UBE2W: variants seen among roughly 807,000 people sequenced by gnomAD.
UBE2W encodes the protein ubiquitin-conjugating enzyme E2 W.
Under a neutral mutation model 27.2 loss-of-function variants are expected in UBE2W, and 18 were observed. The observed-to-expected ratio is 0.66, with a 90% confidence interval of 0.46 to 0.98. UBE2W has a LOEUF of 0.98. UBE2W is among the 50% of genes least tolerant of loss of function. The pLI, the probability that UBE2W is intolerant of heterozygous loss-of-function variation, is 0.00. For missense variants in UBE2W, 90 were observed against 180.2 expected (o/e 0.50, Z 2.87); for synonymous variants, 53 against 57.2 (o/e 0.93, Z 0.33).
chr8:73,867,684 C>T (rs1181432257), intron 1 of UBE2W, among the ~76,000 whole-genome samples: 4 of 148,202 alleles, frequency 2.7e-5, no homozygotes, highest in South Asian at 2.1e-4. Context: ...GCCACTCCAG[C>T]GTGAGTGACG....
intron 1 of UBE2W, among the ~76,000 whole-genome samples, chr8:73,865,093 T>C (rs1280800441): frequency 2.2e-5 from 3 of 138,138 alleles, no homozygotes; most frequent in East Asian, 4.3e-4. Flanking sequence ...TGGCACAAAA[T>C]AGACCTCAAA....
intron 1 of UBE2W, among the ~76,000 whole-genome samples, chr8:73,833,055 C>T (rs1586494048): frequency 6.6e-6 from 1 of 151,934 alleles, no homozygotes; most frequent in East Asian, 1.9e-4. Context: ...CGTGGTGGCG[C>T]GTGCCTGTAG....
chr8:73,870,327 G>A (rs1289985856), intron 1 of UBE2W: 1 of 1,565,670 alleles, frequency 6.4e-7, no homozygotes, highest in East Asian at 2.3e-5. Context: ...AAGACCTCAT[G>A]TAACACATGG....
rs746264996 is a variant in UBE2W at position 73,787,136 on chromosome 8, A to C, written c.*6966T>G. 2 of 985,480 alleles carry C rather than the reference A, an allele frequency of 2.0e-6. No individual in the cohort carries two copies. The highest frequency in any genetic ancestry group is 2.4e-6 in the Non-Finnish European group (2 of 829,940). The allele number at this position is 985,480 out of a possible 1,614,324, so 61.0% of individuals were successfully genotyped here. A position where few individuals can be genotyped will look rare whatever the true frequency, so the allele number is the denominator to read the frequency against. On this transcript the variant is annotated 3_prime_UTR_variant, in exon 6 of 6. Coordinates refer to ENST00000602593, the MANE Select transcript of UBE2W (RefSeq NM_018299.6). ...CTTATGTATTTTGCATTATGCAGGC[A>C]AACATTAAAAATAAATCTTACAGGC...
intron 1 of UBE2W, among the ~76,000 whole-genome samples, chr8:73,839,166 A>G (rs1169768409): frequency 2.0e-5 from 3 of 152,138 alleles, no homozygotes; most frequent in South Asian, 2.1e-4. Context: ...CCATATTTAC[A>G]TATTAGTTTA....
chr8:73,799,471 A>C (rs1808551706), intron 5 of UBE2W, among the ~76,000 whole-genome samples: 1 of 152,212 alleles, frequency 6.6e-6, no homozygotes, highest in Non-Finnish European at 1.5e-5. Flanking sequence ...GCTCAGCTTT[A>C]GCATGTCAGC....
chr8:73,863,502 G>A (rs370980400), intron 1 of UBE2W, among the ~76,000 whole-genome samples: 13 of 148,872 alleles, frequency 8.7e-5, no homozygotes, highest in South Asian at 2.1e-4. Context: ...TGGGTGCAGC[G>A]CACCAGCATG....
chr8:73,823,084 T>C (rs748809714), intron 3 of UBE2W, among the ~76,000 whole-genome samples: 1 of 152,162 alleles, frequency 6.6e-6, no homozygotes, highest in Non-Finnish European at 1.5e-5. Flanking sequence ...ATCTGGGAGT[T>C]AGCTGCTTAA....
In UBE2W at chr8:73,810,626, T is replaced by A. The variant is rs1290464353; in HGVS notation, c.214A>T (p.Met72Leu). 1 of 1,598,740 alleles carries A rather than the reference T, an allele frequency of 6.3e-7. No homozygotes were observed. The highest frequency in any genetic ancestry group is 1.4e-5 in the African/African-American group (1 of 74,040). ...SRYPFDSPQVMFTGENIPVHP... is the reference protein window; with the variant it reads ...SRYPFDSPQVLFTGENIPVHP... The stretch of plus-strand genomic sequence containing the variant: ...ACAGGAATATTTTCACCAGTAAACA[T>A]GACCTAAGAGAGAATAAAATTCCAT... The change falls in exon 4 of 6, where the codon ATG becomes TTG. Residue 72 changes from methionine (M) to leucine (L), a missense_variant. By Grantham distance (15) the Met-to-Leu change is conservative. Coordinates refer to ENST00000602593, the MANE Select transcript of UBE2W (RefSeq NM_018299.6).
In UBE2W at chr8:73,852,441, C is replaced by T. The variant is rs75290332; in HGVS notation, c.16-21969G>A. Among the ~76,000 whole-genome samples the T allele has an allele frequency of 3.2e-3, 486 of 152,296 alleles. 15 individuals carry two copies. The East Asian group carries it at 0.069, about 22-fold the overall frequency. On this transcript the variant is annotated intron_variant, in intron 1 of 5. Transcript: ENST00000602593. The stretch of plus-strand genomic sequence containing the variant: ...AATATTTGTTTTCTGAAAACCTTGA[C>T]TCAGAATGAAATAAAATACAGTTCT...
intron 1 of UBE2W, among the ~76,000 whole-genome samples, chr8:73,843,849 T>G (rs188093181): frequency 6.9e-4 from 104 of 151,232 alleles, no homozygotes; most frequent in African/African-American, 2.4e-3. Context: ...AATAATAATG[T>G]GTGGTGGTGC....
intron 4 of UBE2W, among the ~76,000 whole-genome samples, chr8:73,781,099 G>A (rs1323427935): frequency 1.1e-4 from 16 of 151,462 alleles, no homozygotes; most frequent in African/African-American, 3.9e-4. Flanking sequence ...GTGAAACCCT[G>A]TCTCTACTAA....
At chr8:73,782,725 T>C (rs1250939025), downstream of UBE2W, among the ~76,000 whole-genome samples, 1 of 152,226 alleles carries the variant, frequency 6.6e-6, no homozygotes, top group Non-Finnish European at 1.5e-5. Context: ...ATGTTTCATA[T>C]AAACATTAGT....
At chr8:73,807,410 A>C (rs554339952) in intron 4 of UBE2W, among the ~76,000 whole-genome samples, 69 of 152,328 alleles carry the variant, frequency 4.5e-4, no homozygotes, top group Non-Finnish European at 5.3e-4. Flanking sequence ...GAAAACAGTT[A>C]GTCCATTTGG....
chr8:73,786,572 T>C lies in UBE2W; in HGVS notation c.*7530A>G. On this transcript the variant is annotated 3_prime_UTR_variant, in exon 6 of 6. Coordinates refer to ENST00000602593, the MANE Select transcript of UBE2W (RefSeq NM_018299.6). ...AGGATGATAACCTTTCAGCTACCTT[T>C]GAACTAGACCTTTCAGGTAGAAACG... The C allele has an allele frequency of 1.0e-6, 1 of 985,428 alleles. No homozygotes were observed. The highest frequency in any genetic ancestry group is 1.2e-6 in the Non-Finnish European group (1 of 829,946). 61.0% of individuals were successfully genotyped at this position (985,428 alleles called of 1,614,324 possible). A position where few individuals can be genotyped will look rare whatever the true frequency, so the allele number is the denominator to read the frequency against.
intron 1 of UBE2W, among the ~76,000 whole-genome samples, chr8:73,834,738 G>A (rs555469985): frequency 3.6e-4 from 55 of 152,136 alleles, no homozygotes; most frequent in Non-Finnish European, 6.2e-4. Flanking sequence ...GCGAAACCTC[G>A]TCTCTACTAC....
intron 5 of UBE2W, among the ~76,000 whole-genome samples, chr8:73,799,522 C>T (rs1319838805): frequency 1.3e-5 from 2 of 152,126 alleles, no homozygotes; most frequent in African/African-American, 4.8e-5. Flanking sequence ...AAGCAAATTT[C>T]AGATTTGTTG....
At chr8:73,869,773 AG>A (rs1394472633) in intron 1 of UBE2W, among the ~76,000 whole-genome samples, 2 of 152,114 alleles carry the variant, frequency 1.3e-5, no homozygotes, top group East Asian at 3.8e-4. Context: ...CTGAGGCAGG[AG>A]GATCACTTGA....
chr8:73,852,945 G>A (rs371507484), intron 1 of UBE2W, among the ~76,000 whole-genome samples: 5 of 152,158 alleles, frequency 3.3e-5, no homozygotes, highest in Non-Finnish European at 5.9e-5. Context: ...GGTGCTGTAA[G>A]GGATATTCTA....
Sources: gnomAD v4.1 joint callset for allele counts (sites outside exome capture counted in the v4.1 genomes callset) on GRCh38, gnomAD v4.1.1 for gene constraint, MANE v1.5 for transcripts, NCBI Gene and HGNC (gene_info 2026-07-23, HGNC 2026-07-21) for gene names.